The following GRIA1 variants were observed in gnomAD, a reference collection of about 807,000 sequenced individuals.
GRIA1 encodes glutamate ionotropic receptor AMPA type subunit 1.
A neutral mutation model predicts 99.2 loss-of-function variants in GRIA1; 31 were observed. The ratio of observed to expected loss-of-function variants is 0.31; its 90% CI spans 0.23 to 0.42. The LOEUF is 0.42. GRIA1 is among the 10% of genes least tolerant of loss of function. The pLI, the probability that GRIA1 is intolerant of heterozygous loss-of-function variation, is 1.00. For missense variants in GRIA1, 782 were observed against 1,157.5 expected (o/e 0.68, Z 4.71); for synonymous variants, 438 against 432.4 (o/e 1.01, Z -0.16).
intron 5 of GRIA1, among the ~76,000 whole-genome samples, chr5:153,659,611 T>G (rs368739124): frequency 9.5e-4 from 144 of 152,296 alleles, no homozygotes; most frequent in African/African-American, 3.4e-3. Flanking sequence ...ACAGAGGACC[T>G]GTGGACCTCT....
intron 2 of GRIA1, among the ~76,000 whole-genome samples, chr5:153,566,159 A>G (rs1761589626): frequency 1.3e-5 from 2 of 152,026 alleles, no homozygotes; most frequent in Non-Finnish European, 2.9e-5. Flanking sequence ...CTTTTTCATT[A>G]TAGTCATTCT....
intron 11 of GRIA1, among the ~76,000 whole-genome samples, chr5:153,716,854 G>T (rs1759699653): frequency 6.6e-6 from 1 of 152,182 alleles, no homozygotes; most frequent in South Asian, 2.1e-4. Flanking sequence ...TATCCTATGG[G>T]TAAATTCCAT....
chr5:153,774,326 G>A (rs1419597105), intron 13 of GRIA1, among the ~76,000 whole-genome samples: 1 of 152,054 alleles, frequency 6.6e-6, no homozygotes, highest in Non-Finnish European at 1.5e-5. Flanking sequence ...CCATTGAAGA[G>A]GGGCTGATAT....
intron 15 of GRIA1, among the ~76,000 whole-genome samples, chr5:153,803,513 C>A (rs986431311): frequency 3.3e-5 from 5 of 152,174 alleles, no homozygotes; most frequent in Non-Finnish European, 5.9e-5. Flanking sequence ...GTGAGGCAAT[C>A]TATGGCATAG....
At chr5:153,523,246 C>T (rs1404259547) in intron 2 of GRIA1, among the ~76,000 whole-genome samples, 2 of 152,192 alleles carry the variant, frequency 1.3e-5, no homozygotes, top group Non-Finnish European at 2.9e-5. Flanking sequence ...ACTGGAAGGA[C>T]TCATTCACTG....
chr5:153,675,190 T>G (rs1472810711), intron 6 of GRIA1, among the ~76,000 whole-genome samples: 1 of 152,122 alleles, frequency 6.6e-6, no homozygotes, highest in East Asian at 1.9e-4. Flanking sequence ...TGGAAAATGG[T>G]GGTTCTATTC....
intron 4 of GRIA1, among the ~76,000 whole-genome samples, chr5:153,653,620 C>G (rs1345344932): frequency 2.6e-5 from 4 of 152,080 alleles, no homozygotes; most frequent in African/African-American, 9.7e-5. Flanking sequence ...ATCACATCCC[C>G]CTATGTTATT....
intron 2 of GRIA1, among the ~76,000 whole-genome samples, chr5:153,533,693 A>T (rs1404884883): frequency 1.3e-5 from 2 of 152,168 alleles, no homozygotes; most frequent in African/African-American, 4.8e-5. Context: ...TGCTTTTGGC[A>T]GCTAGCATAT....
chr5:153,631,388 A>G (rs1032936315), intron 2 of GRIA1, among the ~76,000 whole-genome samples: 1 of 152,250 alleles, frequency 6.6e-6, no homozygotes, highest in African/African-American at 2.4e-5. Context: ...ACCAGAATCA[A>G]GAATCAATTC....
intron 5 of GRIA1, among the ~76,000 whole-genome samples, chr5:153,666,687 T>C (rs1755768280): frequency 6.6e-6 from 1 of 152,224 alleles, no homozygotes; most frequent in Non-Finnish European, 1.5e-5. Context: ...AATTTGCTAA[T>C]GGGAATGATA....
At chr5:153,575,092 G>A (rs1762415199) in intron 2 of GRIA1, among the ~76,000 whole-genome samples, 1 of 151,962 alleles carries the variant, frequency 6.6e-6, no homozygotes, top group Admixed American at 6.6e-5. Flanking sequence ...GCAATCTCAG[G>A]CTTCTAAATC....
intron 2 of GRIA1, among the ~76,000 whole-genome samples, chr5:153,531,276 A>G (rs1227497032): frequency 6.6e-6 from 1 of 152,144 alleles, no homozygotes; most frequent in Non-Finnish European, 1.5e-5. Flanking sequence ...AGGTGGTTGT[A>G]GGGTCAGTCA....
chr5:153,751,048 C>T (rs1319500849), intron 11 of GRIA1, among the ~76,000 whole-genome samples: 1 of 151,994 alleles, frequency 6.6e-6, no homozygotes, highest in African/African-American at 2.4e-5. Flanking sequence ...TGCAGTGAGC[C>T]GAGATCACGC....
At chr5:153,683,754 A>G (rs1581464189) in intron 7 of GRIA1, among the ~76,000 whole-genome samples, 1 of 152,230 alleles carries the variant, frequency 6.6e-6, no homozygotes, top group African/African-American at 2.4e-5. Context: ...CAGTAGTAGT[A>G]GTCGTCATTA....
At chr5:153,505,377 C>T (rs770323586) in intron 2 of GRIA1, among the ~76,000 whole-genome samples, 16 of 152,116 alleles carry the variant, frequency 1.1e-4, no homozygotes, top group Non-Finnish European at 2.2e-4. Context: ...CTTCCTGCTT[C>T]ATTAATGTCA....
At chr5:153,695,069 T>G (rs1279624789) in intron 8 of GRIA1, among the ~76,000 whole-genome samples, 1 of 152,190 alleles carries the variant, frequency 6.6e-6, no homozygotes, top group African/African-American at 2.4e-5. Flanking sequence ...TTGATTTTAT[T>G]AAATAATCTT....
chr5:153,696,876 G>GTGTA (rs1219456780), intron 8 of GRIA1, among the ~76,000 whole-genome samples: 2 of 152,074 alleles, frequency 1.3e-5, no homozygotes, highest in Admixed American at 1.3e-4. Flanking sequence ...GTGTGTGTGT[G>GTGTA]TGTGTGTATT....
At chr5:153,552,963 C>T (rs1216495362) in intron 2 of GRIA1, among the ~76,000 whole-genome samples, 1 of 152,110 alleles carries the variant, frequency 6.6e-6, no homozygotes, top group Non-Finnish European at 1.5e-5. Context: ...CAGGGTCTTG[C>T]TATGTTGCCC....
intron 2 of GRIA1, among the ~76,000 whole-genome samples, chr5:153,612,106 G>A (rs550286454): frequency 3.3e-5 from 5 of 152,318 alleles, no homozygotes; most frequent in Middle Eastern, 3.4e-3. Flanking sequence ...ACCAGCTGTA[G>A]AAAAGTAAGG....
Sources: allele counts gnomAD v4.1 joint callset (sites outside exome capture counted in the v4.1 genomes callset), GRCh38; gene constraint gnomAD v4.1.1; transcripts MANE v1.5; gene names NCBI Gene and HGNC (gene_info 2026-07-23, HGNC 2026-07-21).